Variants in MTFR1 observed in about 807,000 individuals in gnomAD.
MTFR1 encodes the protein mitochondrial fission regulator 1.
Under a neutral mutation model 38.8 loss-of-function variants are expected in MTFR1, and 28 were observed. The observed-to-expected ratio is 0.72, with a 90% confidence interval of 0.53 to 0.99. MTFR1 has a LOEUF of 0.99. Among genes scored for constraint, MTFR1 ranks in the 50% least tolerant of loss-of-function variants. MTFR1 has a pLI of 0.00. For synonymous variants in MTFR1, 145 were observed against 137.0 expected (o/e 1.06, Z -0.41); for missense variants, 358 against 395.5 (o/e 0.91, Z 0.81).
intron 1 of MTFR1, among the ~76,000 whole-genome samples, chr8:65,648,316 C>G (rs1284159029): frequency 6.6e-6 from 1 of 152,032 alleles, no homozygotes; most frequent in African/African-American, 2.4e-5. Context: ...CATGCCTGGC[C>G]CATTTGTTTC....
At chr8:65,706,003 G>T (rs1805769904) in intron 5 of MTFR1, among the ~76,000 whole-genome samples, 1 of 152,134 alleles carries the variant, frequency 6.6e-6, no homozygotes, top group Non-Finnish European at 1.5e-5. Flanking sequence ...CAGCTCTGTT[G>T]GATAAGGACA....
intron 3 of MTFR1, among the ~76,000 whole-genome samples, chr8:65,729,703 T>C (rs577616450): frequency 6.6e-6 from 1 of 151,084 alleles, no homozygotes; most frequent in South Asian, 2.1e-4. Context: ...GCTGGGATTA[T>C]AGGCGCCTAC....
rs1179431555 is a variant in MTFR1 at position 65,730,171 on chromosome 8, C to CTTTTTTTTTTTTTT, written c.*48+10703_*48+10716dup. 1.7e-3 allele frequency among the ~76,000 whole-genome samples: 148 copies of CTTTTTTTTTTTTTT among 86,434 alleles called. 14 individuals carry two copies. Among genetic ancestry groups the CTTTTTTTTTTTTTT allele is most frequent in the African/African-American group, 2.9e-3 (61 of 20,936 alleles). 56.7% of individuals were successfully genotyped at this position (86,434 alleles called of 152,430 possible). A position where few individuals can be genotyped will look rare whatever the true frequency, so the allele number is the denominator to read the frequency against. ...TGTGAGGGATCCAGGTTGCGCACTT[C>CTTTTTTTTTTTTTT]TTTTTTTTTTTTTTTTTTTTTTTTT... is the stretch of plus-strand genomic sequence containing the variant. On this transcript the variant is annotated intron_variant, in intron 3 of 3. Coordinates refer to the MTFR1 transcript ENST00000521247.
intron 5 of MTFR1, among the ~76,000 whole-genome samples, chr8:65,706,430 ACTT>A (rs1213849648): frequency 2.6e-5 from 4 of 152,096 alleles, no homozygotes; most frequent in Admixed American, 6.6e-5. Context: ...ACTCTTAGTT[ACTT>A]CTTGTTTTAG....
intron 1 of MTFR1, among the ~76,000 whole-genome samples, chr8:65,668,607 G>A (rs1308099402): frequency 6.8e-6 from 1 of 146,184 alleles, no homozygotes; most frequent in Non-Finnish European, 1.5e-5. Context: ...TCCGCCTACT[G>A]GCTTCAAGCG....
chr8:65,683,489 T>C (rs979477488), intron 3 of MTFR1, among the ~76,000 whole-genome samples: 1 of 152,164 alleles, frequency 6.6e-6, no homozygotes, highest in Non-Finnish European at 1.5e-5. Flanking sequence ...TTCTTTTTTT[T>C]AGCAATTCTT....
At chr8:65,699,465 A>G (rs183187533) in intron 4 of MTFR1, among the ~76,000 whole-genome samples, 36 of 152,344 alleles carry the variant, frequency 2.4e-4, no homozygotes, top group Admixed American at 2.2e-3. Context: ...CCAGCAGGGT[A>G]TAAGTATTCC....
At chr8:65,771,787 A>G (rs2128920922), downstream of MTFR1, among the ~76,000 whole-genome samples, 3 of 150,502 alleles carry the variant, frequency 2.0e-5, no homozygotes, top group African/African-American at 7.3e-5. Context: ...AGGCAGGAGA[A>G]TCGCTTGAAC....
chr8:65,704,644 C>CA (rs1380593512), intron 4 of MTFR1, 50 bp from the exon 5 acceptor site: 1 of 1,490,538 alleles, frequency 6.7e-7, no homozygotes, highest in Non-Finnish European at 9.3e-7. Flanking sequence ...GATGGTGTTT[C>CA]ACGTTCTCTT....
At chr8:65,664,470 G>T (rs1284661886) in intron 1 of MTFR1, among the ~76,000 whole-genome samples, 1 of 152,088 alleles carries the variant, frequency 6.6e-6, no homozygotes, top group Non-Finnish European at 1.5e-5. Context: ...TATTGACTCA[G>T]TTCTTAAACT....
chr8:65,692,542 G>A (rs1805310715), intron 3 of MTFR1, among the ~76,000 whole-genome samples: 1 of 152,026 alleles, frequency 6.6e-6, no homozygotes, highest in South Asian at 2.1e-4. Context: ...GTTTCACCAT[G>A]TTGGCCAAGC....
At chr8:65,749,637 C>T (rs1254965605) in intron 3 of MTFR1, among the ~76,000 whole-genome samples, 2 of 152,212 alleles carry the variant, frequency 1.3e-5, no homozygotes, top group Non-Finnish European at 2.9e-5. Context: ...AAAAGAATCT[C>T]ATTTAGCCAT....
chr8:65,689,115 G>A (rs566291700), intron 3 of MTFR1, among the ~76,000 whole-genome samples: 1 of 152,112 alleles, frequency 6.6e-6, no homozygotes, highest in Non-Finnish European at 1.5e-5. Flanking sequence ...ACTGCACTCC[G>A]GCCTGGGCAA....
intron 1 of MTFR1, among the ~76,000 whole-genome samples, chr8:65,658,886 A>G (rs979161673): frequency 1.3e-5 from 2 of 152,168 alleles, no homozygotes; most frequent in African/African-American, 4.8e-5. Context: ...AATAGGTGAC[A>G]GGAAACAGCA....
At chr8:65,668,379 G>A (rs1431450321) in intron 1 of MTFR1, among the ~76,000 whole-genome samples, 2 of 148,746 alleles carry the variant, frequency 1.3e-5, no homozygotes, top group South Asian at 2.1e-4. Flanking sequence ...ATAGAGATGG[G>A]ATTTTACTAT....
intron 4 of MTFR1, among the ~76,000 whole-genome samples, chr8:65,703,423 T>TG (rs1805677683): frequency 3.4e-5 from 2 of 59,404 alleles, no homozygotes; most frequent in East Asian, 7.3e-4. Context: ...TCTCTGGTTT[T>TG]TTTTTTTTTT....
chr8:65,699,735 C>G (rs539091822), intron 4 of MTFR1, among the ~76,000 whole-genome samples: 14 of 152,334 alleles, frequency 9.2e-5, no homozygotes, highest in South Asian at 8.3e-4. Context: ...CCTGCCTGCT[C>G]TCTGCCATCT....
At chr8:65,650,616 C>T (rs1237601313) in intron 1 of MTFR1, among the ~76,000 whole-genome samples, 4 of 152,162 alleles carry the variant, frequency 2.6e-5, no homozygotes, top group Non-Finnish European at 5.9e-5. Flanking sequence ...ATGTTATTTT[C>T]AAATGACAGG....
downstream of MTFR1, among the ~76,000 whole-genome samples, chr8:65,774,169 T>C (rs770367712): frequency 2.0e-5 from 3 of 152,224 alleles, no homozygotes; most frequent in Admixed American, 6.5e-5. Flanking sequence ...TGCTACGTTA[T>C]TGCAGAAAAA....
Sources: allele counts gnomAD v4.1 joint callset (sites outside exome capture counted in the v4.1 genomes callset), GRCh38; gene constraint gnomAD v4.1.1; transcripts MANE v1.5; gene names NCBI Gene and HGNC (gene_info 2026-07-23, HGNC 2026-07-21).